Variants in ARNT2 observed in about 807,000 individuals in gnomAD.
ARNT2 encodes the protein ARNT protein 2.
In ARNT2, 36 loss-of-function variants were observed where a neutral mutation model predicts 91.7. That is an observed-to-expected ratio of 0.39 (90% CI 0.30 to 0.52). ARNT2 has a LOEUF of 0.52. ARNT2 is among the 20% of genes least tolerant of loss of function. The pLI is 0.72. For synonymous variants in ARNT2, 365 were observed against 347.1 expected (o/e 1.05, Z -0.57); for missense variants, 775 against 939.3 (o/e 0.83, Z 2.29).
At chr15:80,430,127 G>A (rs547432562) in intron 1 of ARNT2, among the ~76,000 whole-genome samples, 10 of 152,238 alleles carry the variant, frequency 6.6e-5, no homozygotes, top group South Asian at 2.1e-4. Context: ...ATGAGCACCC[G>A]CTTCCTGGTG....
intron 1 of ARNT2, among the ~76,000 whole-genome samples, chr15:80,421,143 T>G (rs1895854560): frequency 6.6e-6 from 1 of 152,120 alleles, no homozygotes; most frequent in African/African-American, 2.4e-5. Flanking sequence ...CTAAGTGAAG[T>G]AACTCAGGAA....
At position 80,595,314 on chromosome 15, in the gene ARNT2, A is replaced by T. The variant is rs1893358200; in HGVS notation, c.*1616A>T. ...GGGAAAGCCCTTGTGTCCCTCCCAG[A>T]GTCCTTCAGGTAGGCCCTCGCAGAT... is the stretch of plus-strand genomic sequence containing the variant. On this transcript the variant is annotated 3_prime_UTR_variant, in exon 19 of 19. Coordinates refer to ENST00000303329, the MANE Select transcript of ARNT2 (RefSeq NM_014862.4). 6.6e-6 allele frequency: 1 copy of T among 152,276 alleles called. No homozygotes were observed. The highest frequency in any genetic ancestry group is 1.5e-5 in the Non-Finnish European group (1 of 68,106). 9.4% of individuals were successfully genotyped at this position (152,276 alleles called of 1,614,324 possible). A position where few individuals can be genotyped will look rare whatever the true frequency, so the allele number is the denominator to read the frequency against.
At chr15:80,555,160 C>T in intron 11 of ARNT2, 21 bp downstream of exon 11, 1 of 1,612,450 alleles carries the variant, frequency 6.2e-7, no homozygotes, top group African/African-American at 1.3e-5. Flanking sequence ...CCAGTACCCA[C>T]TTAAAGCTGA....
intron 6 of ARNT2, among the ~76,000 whole-genome samples, chr15:80,511,207 A>G (rs571964603): frequency 6.6e-6 from 1 of 152,278 alleles, no homozygotes; most frequent in Admixed American, 6.5e-5. Context: ...TAAAAAAGAA[A>G]AAGATCATGT....
At chr15:80,414,086 G>A (rs921893815) in intron 1 of ARNT2, among the ~76,000 whole-genome samples, 10 of 152,296 alleles carry the variant, frequency 6.6e-5, no homozygotes, top group African/African-American at 2.4e-4. Context: ...ACACAAAATA[G>A]TATTGTCTTT....
In ARNT2 at chr15:80,546,994, A is replaced by G. The variant is rs370759518; in HGVS notation, c.878-4205A>G. On this transcript the variant is annotated intron_variant, in intron 8 of 18. Coordinates refer to ENST00000303329, the MANE Select transcript of ARNT2 (RefSeq NM_014862.4). ...AAAAACCAAACAAAACAAAACAATA[A>G]ACGGAAAGAAAGAAATAGAGGCAAT... Among the ~76,000 whole-genome samples the G allele has an allele frequency of 9.9e-5, 15 of 152,028 alleles. No individual in the cohort carries two copies. The South Asian group carries it at 3.1e-3, about 32-fold the overall frequency.
chr15:80,487,431 C>T (rs1053820151), intron 5 of ARNT2, among the ~76,000 whole-genome samples: 4 of 152,160 alleles, frequency 2.6e-5, no homozygotes, highest in African/African-American at 9.7e-5. Context: ...GGAACTGATG[C>T]AGGAGAGGGT....
intron 10 of ARNT2, 91 bp from the exon 11 acceptor site, chr15:80,554,974 G>A (rs1898151575): frequency 7.2e-7 from 1 of 1,383,546 alleles, no homozygotes; most frequent in Non-Finnish European, 1.0e-6. Context: ...ATGAGTTAAA[G>A]GAGATGGAAA....
intron 5 of ARNT2, among the ~76,000 whole-genome samples, chr15:80,482,313 G>T (rs538566775): frequency 6.6e-6 from 1 of 152,300 alleles, no homozygotes; most frequent in South Asian, 2.1e-4. Context: ...ACTTGCCCAG[G>T]ATTGGGGAAG....
intron 1 of ARNT2, chr15:80,444,330 C>T (rs115320900): frequency 0.02 from 3,084 of 151,418 alleles, 99 homozygotes; most frequent in East Asian, 0.11. Flanking sequence ...CTGGGGTGGG[C>T]GGTGTGTGTG....
chr15:80,493,613 C>T (rs996456708), intron 5 of ARNT2, among the ~76,000 whole-genome samples: 46 of 152,306 alleles, frequency 3.0e-4, no homozygotes, highest in African/African-American at 1.1e-3. Context: ...TACCCTAGGT[C>T]ACTTGTCTTC....
At chr15:80,568,322 C>CT (rs1421683917) in intron 12 of ARNT2, among the ~76,000 whole-genome samples, 1 of 152,166 alleles carries the variant, frequency 6.6e-6, no homozygotes, top group Admixed American at 6.5e-5. Context: ...TTTCTGACAT[C>CT]TTTTTAGGGG....
intron 8 of ARNT2, among the ~76,000 whole-genome samples, chr15:80,543,479 T>C (rs1340330716): frequency 1.3e-5 from 2 of 152,240 alleles, no homozygotes; most frequent in Non-Finnish European, 2.9e-5. Flanking sequence ...ATACTTGCTA[T>C]CAAAGATTTA....
chr15:80,567,095 G>A (rs113634193), intron 12 of ARNT2, among the ~76,000 whole-genome samples: 2,371 of 152,268 alleles, frequency 0.016, 55 homozygotes, highest in African/African-American at 0.054. Flanking sequence ...CTTGAGAAAC[G>A]GGAGTAAAGG....
In ARNT2 at chr15:80,593,994, A is replaced by C. The variant is rs777567959; in HGVS notation, c.*296A>C. 1 of 348,988 alleles carries C rather than the reference A, an allele frequency of 2.9e-6. No individual in the cohort carries two copies. The allele number at this position is 348,988 out of a possible 1,614,324, so 21.6% of individuals were successfully genotyped here. A position where few individuals can be genotyped will look rare whatever the true frequency, so the allele number is the denominator to read the frequency against. ...TGGGTCCTTAAGTTTGGTTGTGAAT[A>C]ATCTCTTGATAGACAATTTATACCC... On this transcript the variant is annotated 3_prime_UTR_variant, in exon 19 of 19. Transcript: ENST00000303329.
chr15:80,472,192 C>G (rs549013403), intron 4 of ARNT2, among the ~76,000 whole-genome samples: 1 of 151,984 alleles, frequency 6.6e-6, no homozygotes, highest in South Asian at 2.1e-4. Flanking sequence ...GGTATAGGGT[C>G]CTAAAAGTAA....
chr15:80,554,962 A>C (rs1898151309), intron 10 of ARNT2, 103 bp from the exon 11 acceptor site: 2 of 1,267,254 alleles, frequency 1.6e-6, no homozygotes, highest in Non-Finnish European at 1.1e-6. Flanking sequence ...AGGCTAAAGG[A>C]GATGAGTTAA....
intron 14 of ARNT2, among the ~76,000 whole-genome samples, chr15:80,575,921 C>T (rs902950451): frequency 9.2e-5 from 14 of 152,234 alleles, no homozygotes; most frequent in African/African-American, 3.4e-4. Context: ...CAAGCTACAA[C>T]TCACTTTTCT....
chr15:80,483,883 G>A (rs1022076212), intron 5 of ARNT2, among the ~76,000 whole-genome samples: 1 of 152,210 alleles, frequency 6.6e-6, no homozygotes, highest in Non-Finnish European at 1.5e-5. Context: ...GGCAAGGACA[G>A]ACTGTTGAGT....
Sources: gnomAD v4.1 joint callset for allele counts (sites outside exome capture counted in the v4.1 genomes callset) on GRCh38, gnomAD v4.1.1 for gene constraint, MANE v1.5 for transcripts, NCBI Gene and HGNC (gene_info 2026-07-23, HGNC 2026-07-21) for gene names.